Variants in PDZRN3 observed in about 807,000 individuals in gnomAD.
The protein encoded by PDZRN3 is E3 ubiquitin-protein ligase PDZRN3.
PDZRN3 carries 38 observed loss-of-function variants against 85.7 expected under a neutral mutation model. That is an observed-to-expected ratio of 0.44 (90% CI 0.34 to 0.58). The LOEUF is 0.58. Among genes scored for constraint, PDZRN3 ranks in the 20% least tolerant of loss-of-function variants. The pLI is 0.01. For synonymous variants in PDZRN3, 759 were observed against 638.0 expected, an observed-to-expected ratio of 1.19 and a Z score of -2.86; for missense variants, 1,629 against 1,506.4, an observed-to-expected ratio of 1.08 and a Z score of -1.35.
intron 3 of PDZRN3, among the ~76,000 whole-genome samples, chr3:73,407,173 T>C (rs895702733): frequency 2.0e-5 from 3 of 152,202 alleles, no homozygotes; most frequent in Non-Finnish European, 4.4e-5. Context: ...TAGGGAGCTC[T>C]GAGGTTTTGT....
At chr3:73,475,797 TAA>T (rs1456293873) in intron 3 of PDZRN3, among the ~76,000 whole-genome samples, 1 of 152,160 alleles carries the variant, frequency 6.6e-6, no homozygotes, top group Admixed American at 6.5e-5. Context: ...ACCAGAATAT[TAA>T]AGTAAAAGCT....
chr3:73,470,909 A>C (rs893044568), intron 3 of PDZRN3, among the ~76,000 whole-genome samples: 6 of 152,200 alleles, frequency 3.9e-5, no homozygotes, highest in African/African-American at 1.4e-4. Context: ...ACACATTCCA[A>C]ATTGACTTAG....
chr3:73,403,729 A>C (rs1701798868), intron 4 of PDZRN3, among the ~76,000 whole-genome samples: 1 of 152,204 alleles, frequency 6.6e-6, no homozygotes, highest in Non-Finnish European at 1.5e-5. Flanking sequence ...TCCAGGCTTG[A>C]AATGAGACCC....
At position 73,464,028 on chromosome 3, in the gene PDZRN3, C is replaced by T. The variant is rs376608045; in HGVS notation, c.919-59633G>A. Among the ~76,000 whole-genome samples, 51 of 152,244 alleles carry T rather than the reference C, an allele frequency of 3.3e-4. 1 individual carries two copies. The South Asian group carries it at 9.8e-3, about 29-fold the overall frequency. The stretch of plus-strand genomic sequence containing the variant: ...TGAGACAGAGTCTTACACCGTCTCC[C>T]GGGCTGGAGTGAAACAGGGCGATCT... On this transcript the variant is annotated intron_variant, in intron 3 of 9. Transcript: ENST00000263666.
chr3:73,404,281 A>C lies in PDZRN3; in HGVS notation c.1033T>G (p.Phe345Val). The C allele has an allele frequency of 6.2e-7, 1 of 1,614,086 alleles. No homozygotes were observed. The highest frequency in any genetic ancestry group is 8.5e-7 in the Non-Finnish European group (1 of 1,180,016). The stretch of plus-strand genomic sequence containing the variant: ...AGCTGAGACTCTGATGGAGGCGTGA[A>C]CATTTTGGTCCTTGGTGTTCTTCTC... ...VLRRTPRTKM[F>V]TPPSESQLVD... is the part of the protein sequence containing the mutation. The change falls in exon 4 of 10, where the codon TTC (phenylalanine) becomes GTC (valine). Residue 345 changes from phenylalanine (F) to valine (V), a missense_variant. Physicochemically the swap from Phe to Val is conservative, Grantham distance 50. Coordinates refer to ENST00000263666, the MANE Select transcript of PDZRN3 (RefSeq NM_015009.3).
chr3:73,571,483 GC>G (rs2106851814), intron 3 of PDZRN3, among the ~76,000 whole-genome samples: 1 of 152,312 alleles, frequency 6.6e-6, no homozygotes, highest in South Asian at 2.1e-4. Flanking sequence ...CGCAGCAAAT[GC>G]CTTCAGTGAG....
Position 73,446,498 on chromosome 3 carries a change from C to A in PDZRN3, c.919-42103G>T, listed in dbSNP as rs1391953359. On this transcript the variant is annotated intron_variant, in intron 3 of 9. Transcript: ENST00000263666. ...GTCTTATAAGGACATTTAAAAACTT[C>A]ATGCGTTAGTACCTTAATTGGAAAA... Among the ~76,000 whole-genome samples the A allele has an allele frequency of 2.6e-5, 4 of 152,308 alleles. No individual in the cohort carries two copies. In the East Asian group the frequency reaches 5.8e-4, roughly 22 times the overall value.
At chr3:73,454,127 A>C (rs1450190782) in intron 3 of PDZRN3, among the ~76,000 whole-genome samples, 1 of 152,226 alleles carries the variant, frequency 6.6e-6, no homozygotes. Context: ...GCTTAAAAAC[A>C]AACATAGATG....
intron 3 of PDZRN3, among the ~76,000 whole-genome samples, chr3:73,467,198 G>A (rs990703018): frequency 5.3e-5 from 8 of 152,138 alleles, no homozygotes; most frequent in Non-Finnish European, 8.8e-5. Flanking sequence ...CCATGTACTC[G>A]CAGTAAAGCC....
chr3:73,424,292 G>C (rs1006411938), intron 3 of PDZRN3, among the ~76,000 whole-genome samples: 2 of 149,832 alleles, frequency 1.3e-5, no homozygotes, highest in East Asian at 3.9e-4. Context: ...AGCACTTTGG[G>C]AGGCCAAGGC....
chr3:73,522,955 G>A (rs1160951008), intron 3 of PDZRN3, among the ~76,000 whole-genome samples: 1 of 152,210 alleles, frequency 6.6e-6, no homozygotes, highest in Non-Finnish European at 1.5e-5. Flanking sequence ...TGATAGCACA[G>A]GATGTTCTAG....
At chr3:73,540,670 C>T (rs553985346) in intron 3 of PDZRN3, among the ~76,000 whole-genome samples, 18 of 152,140 alleles carry the variant, frequency 1.2e-4, no homozygotes, top group Non-Finnish European at 2.4e-4. Flanking sequence ...ACCTGTTTAC[C>T]TCCCCTTTCA....
intron 5 of PDZRN3, among the ~76,000 whole-genome samples, chr3:73,396,208 C>T (rs2106706187): frequency 6.6e-6 from 1 of 151,256 alleles, no homozygotes; most frequent in Admixed American, 6.6e-5. Flanking sequence ...CAGCAAGACG[C>T]AGTCTCAAAA....
At chr3:73,584,050 C>T (rs1448557934) in intron 3 of PDZRN3, among the ~76,000 whole-genome samples, 1 of 150,974 alleles carries the variant, frequency 6.6e-6, no homozygotes, top group Non-Finnish European at 1.5e-5. Context: ...TTTGTGCTTT[C>T]CCTTCCAATG....
Position 73,388,248 on chromosome 3 carries a change from C to G in PDZRN3, c.1417-179G>C, listed in dbSNP as rs1218706648. On this transcript the variant is annotated intron_variant, in intron 7 of 9. Transcript: ENST00000263666. The stretch of plus-strand genomic sequence containing the variant: ...TAGGAAGGAAAGGTCTTGCTCAGAC[C>G]AATGCAGTTTCTCTGGTCTATAAGG... The G allele has an allele frequency of 1.8e-5, 9 of 498,860 alleles. No homozygotes were observed. In the East Asian group the frequency reaches 2.9e-4, roughly 16 times the overall value. 30.9% of individuals were successfully genotyped at this position (498,860 alleles called of 1,614,324 possible).
intron 3 of PDZRN3, among the ~76,000 whole-genome samples, chr3:73,432,294 G>A (rs536998193): frequency 6.6e-6 from 1 of 151,942 alleles, no homozygotes; most frequent in African/African-American, 2.4e-5. Flanking sequence ...TGGTGAAAGC[G>A]CTTTTGCCCG....
At chr3:73,535,421 C>G (rs1704758980) in intron 3 of PDZRN3, among the ~76,000 whole-genome samples, 1 of 152,146 alleles carries the variant, frequency 6.6e-6, no homozygotes, top group Non-Finnish European at 1.5e-5. Context: ...CTCTCTACAC[C>G]TGAATGGAGA....
chr3:73,536,310 C>G (rs1053794044), intron 3 of PDZRN3, among the ~76,000 whole-genome samples: 1 of 152,196 alleles, frequency 6.6e-6, no homozygotes, highest in African/African-American at 2.4e-5. Flanking sequence ...CTCCTGGTGT[C>G]CTTGTAGCCT....
At chr3:73,541,599 G>A (rs1704923009) in intron 3 of PDZRN3, among the ~76,000 whole-genome samples, 1 of 152,158 alleles carries the variant, frequency 6.6e-6, no homozygotes, top group Admixed American at 6.5e-5. Context: ...CTGGGATTCT[G>A]CTACTTCTTT....
Sources: allele counts gnomAD v4.1 joint callset (sites outside exome capture counted in the v4.1 genomes callset), GRCh38; gene constraint gnomAD v4.1.1; transcripts MANE v1.5; gene names NCBI Gene and HGNC (gene_info 2026-07-23, HGNC 2026-07-21).